Variants in FAAH observed in about 807,000 individuals in gnomAD.
FAAH encodes the protein fatty-acid amide hydrolase 1.
In FAAH, 63 loss-of-function variants were observed where a neutral mutation model predicts 69.7. That is an observed-to-expected ratio of 0.90 (90% confidence interval 0.74 to 1.12). The LOEUF is 1.12. Among genes scored for constraint, FAAH ranks in the 50% most tolerant of loss-of-function variants. The pLI, the probability that FAAH is intolerant of heterozygous loss-of-function variation, is 0.00. For missense variants in FAAH, 680 were observed against 755.0 expected (o/e 0.90, Z 1.16); for synonymous variants, 305 against 324.2 (o/e 0.94, Z 0.64).
At chr1:46,409,602 C>T (rs1664863455) in intron 9 of FAAH, among the ~76,000 whole-genome samples, 1 of 152,122 alleles carries the variant, frequency 6.6e-6, no homozygotes, top group Non-Finnish European at 1.5e-5. Context: ...CCTCAGCTTT[C>T]TCTCCTGTAA....
At chr1:46,412,926 TG>T in intron 13 of FAAH, 148 bp from the exon 14 acceptor site, 3 of 960,570 alleles carry the variant, frequency 3.1e-6, no homozygotes, top group Non-Finnish European at 4.8e-6. Flanking sequence ...TCTGAATTCC[TG>T]GGCTTTGTCA....
chr1:46,409,047 G>C (rs1664851727), intron 8 of FAAH, 54 bp from the exon 9 acceptor site: 1 of 1,454,148 alleles, frequency 6.9e-7, no homozygotes, highest in Admixed American at 1.7e-5. Flanking sequence ...ACAGCATGGG[G>C]ATCATGAAGC....
At chr1:46,395,308 A>C (rs1245704193) in intron 1 of FAAH, among the ~76,000 whole-genome samples, 2 of 152,184 alleles carry the variant, frequency 1.3e-5, no homozygotes, top group Non-Finnish European at 2.9e-5. Flanking sequence ...GCACAGGGAG[A>C]TCTTGGCAAA....
In FAAH at chr1:46,405,177, A is replaced by G; in HGVS notation, c.444+29A>G. 1 of 1,613,482 alleles carries G rather than the reference A, an allele frequency of 6.2e-7. No homozygotes were observed. Among genetic ancestry groups the G allele is most frequent in the Non-Finnish European group, 8.5e-7 (1 of 1,180,040 alleles). On this transcript the variant is annotated intron_variant, in intron 3 of 14. Coordinates refer to ENST00000243167, the MANE Select transcript of FAAH (RefSeq NM_001441.3). The surrounding 1 kb of genome is among the most constrained non-coding windows in gnomAD (Gnocchi z 4.1). ...TGCTCTGCCTCAGCGCCAGGCCTCC[A>G]TCGTCCCCTCCATCCCTGCCAGCCT...
Position 46,413,665 on chromosome 1 carries a change from G to C in FAAH, c.*90G>C. The C allele has an allele frequency of 6.3e-7, 1 of 1,586,304 alleles. No individual in the cohort carries two copies. On this transcript the variant is annotated 3_prime_UTR_variant, in exon 15 of 15. Coordinates refer to ENST00000243167, the MANE Select transcript of FAAH (RefSeq NM_001441.3). Reference sequence around the variant, plus strand: ...TGCCCTGCTGCCACAGCAAGGAAATGTCCTGCATGGGGCAGAGGCTTCCGT... The same window carrying C: ...TGCCCTGCTGCCACAGCAAGGAAATCTCCTGCATGGGGCAGAGGCTTCCGT...
Position 46,410,671 on chromosome 1 carries a change from C to A in FAAH, c.1276-143C>A. Reference sequence around the variant, plus strand: ...CTCCTCTGTCCCCTGCGATCTTCAGCCAACCCGCATGCTGAAAGGGGTGCC... The same window carrying A: ...CTCCTCTGTCCCCTGCGATCTTCAGACAACCCGCATGCTGAAAGGGGTGCC... On this transcript the variant is annotated intron_variant, in intron 10 of 14. Transcript: ENST00000243167. This position sits in a 1 kb window ranked among gnomAD's most constrained non-coding sequence, Gnocchi z 4.9. 3.4e-6 allele frequency: 4 copies of A among 1,171,444 alleles called. No homozygotes were observed. The highest frequency in any genetic ancestry group is 2.4e-5 in the South Asian group (2 of 81,694). 72.6% of individuals were successfully genotyped at this position (1,171,444 alleles called of 1,614,324 possible).
chr1:46,408,965 G>A lies in FAAH; in HGVS notation c.1078-136G>A. Reference sequence around the variant, plus strand: ...CAGTGAGTTTTCATGGGTCAGTAAGGCTGCCTTTGTAGCTCTAGTGAGAGC... The same window carrying A: ...CAGTGAGTTTTCATGGGTCAGTAAGACTGCCTTTGTAGCTCTAGTGAGAGC... On this transcript the variant is annotated intron_variant, in intron 8 of 14. Transcript: ENST00000243167. 2 of 755,400 alleles carry A rather than the reference G, an allele frequency of 2.6e-6. 1 individual carries two copies. Among genetic ancestry groups the A allele is most frequent in the South Asian group, 2.9e-5 (2 of 68,364 alleles). 46.8% of individuals were successfully genotyped at this position (755,400 alleles called of 1,614,324 possible).
intron 1 of FAAH, among the ~76,000 whole-genome samples, chr1:46,394,990 A>G (rs566852645): frequency 2.0e-5 from 3 of 152,224 alleles, no homozygotes; most frequent in East Asian, 3.9e-4. Context: ...CCCAGGCAAG[A>G]GTGCAGTGGT....
At chr1:46,399,048 T>A (rs1664651316) in intron 1 of FAAH, among the ~76,000 whole-genome samples, 1 of 152,196 alleles carries the variant, frequency 6.6e-6, no homozygotes, top group Non-Finnish European at 1.5e-5. Flanking sequence ...AGGACCACCA[T>A]CAATAGAATA....
Position 46,394,335 on chromosome 1 carries a change from A to T in FAAH, c.-14A>T, listed in dbSNP as rs750510072. 2.6e-6 allele frequency: 4 copies of T among 1,556,234 alleles called. No homozygotes were observed. Among genetic ancestry groups the T allele is most frequent in the South Asian group, 1.2e-5 (1 of 84,438 alleles). ...TTCAACTGTCGCGGTAGGCAGCAGC[A>T]GGCTGAAGGGATCATGGTGCAGTAC... On this transcript the variant is annotated 5_prime_UTR_variant, in exon 1 of 15. Transcript: ENST00000243167.
chr1:46,411,500 T>A lies in FAAH; in HGVS notation c.1317-112T>A. 1 of 1,144,950 alleles carries A rather than the reference T, an allele frequency of 8.7e-7. No individual in the cohort carries two copies. The highest frequency in any genetic ancestry group is 1.3e-6 in the Non-Finnish European group (1 of 772,302). The allele number at this position is 1,144,950 out of a possible 1,614,324, so 70.9% of individuals were successfully genotyped here. A position where few individuals can be genotyped will look rare whatever the true frequency, so the allele number is the denominator to read the frequency against. ...TTCCCTCTCAGAGCTCCCATGGGGT[T>A]GTGAAGGGTCCACGGAGGGGTGAGA... On this transcript the variant is annotated intron_variant, in intron 11 of 14. Transcript: ENST00000243167. This position sits in a 1 kb window ranked among gnomAD's most constrained non-coding sequence, Gnocchi z 4.8.
chr1:46,410,790 C>G lies in FAAH; in HGVS notation c.1276-24C>G. ...CTGCCGTGGCCCAGAGCTGAGTCAC[C>G]GACCCTGCGTCTGTCCTGTGCAGCT... is the stretch of plus-strand genomic sequence containing the variant. On this transcript the variant is annotated intron_variant, in intron 10 of 14. Coordinates refer to ENST00000243167, the MANE Select transcript of FAAH (RefSeq NM_001441.3). This position sits in a 1 kb window ranked among gnomAD's most constrained non-coding sequence, Gnocchi z 4.9. 6.2e-7 allele frequency: 1 copy of G among 1,614,122 alleles called. No individual in the cohort carries two copies. Among genetic ancestry groups the G allele is most frequent in the South Asian group, 1.1e-5 (1 of 91,076 alleles).
chr1:46,396,030 C>T (rs189159991), intron 1 of FAAH, among the ~76,000 whole-genome samples: 80 of 151,912 alleles, frequency 5.3e-4, no homozygotes, highest in African/African-American at 1.8e-3. Context: ...CTCTGAGTTC[C>T]GTCAGTATTT....
At position 46,406,091 on chromosome 1, in the gene FAAH, G is replaced by A. The variant is rs1304088779; in HGVS notation, c.826+13G>A. On this transcript the variant is annotated intron_variant, in intron 6 of 14. Coordinates refer to ENST00000243167, the MANE Select transcript of FAAH (RefSeq NM_001441.3). Reference sequence around the variant, plus strand: ...GGACAGGAGGCAGGTGAGGTCCGTGGTGCTCTCAGTGCCCCGAGGAGGGTG... The same window carrying A: ...GGACAGGAGGCAGGTGAGGTCCGTGATGCTCTCAGTGCCCCGAGGAGGGTG... 6.2e-7 allele frequency: 1 copy of A among 1,614,190 alleles called. No individual in the cohort carries two copies. Among genetic ancestry groups the A allele is most frequent in the Non-Finnish European group, 8.5e-7 (1 of 1,180,034 alleles).
At position 46,405,553 on chromosome 1, in the gene FAAH, C is replaced by A. The variant is rs904507802; in HGVS notation, c.579-35C>A. ...GGCGGGGCAGGGGCACCGGTCCCAG[C>A]ATGGCACGGGCTGACCCATTCTTGG... On this transcript the variant is annotated intron_variant, in intron 4 of 14. Coordinates refer to ENST00000243167, the MANE Select transcript of FAAH (RefSeq NM_001441.3). The surrounding 1 kb of genome is among the most constrained non-coding windows in gnomAD (Gnocchi z 4.1). 3 of 1,612,964 alleles carry A rather than the reference C, an allele frequency of 1.9e-6. No individual in the cohort carries two copies. The African/African-American group carries it at 4.0e-5, about 22-fold the overall frequency.
intron 7 of FAAH, among the ~76,000 whole-genome samples, chr1:46,407,393 A>C (rs972060123): frequency 2.6e-5 from 4 of 152,070 alleles, no homozygotes; most frequent in African/African-American, 9.7e-5. Context: ...CAGGGTGTGG[A>C]TTTTGAGGCG....
Position 46,413,586 on chromosome 1 carries a change from T to C in FAAH, c.*11T>C. 1 of 1,613,974 alleles carries C rather than the reference T, an allele frequency of 6.2e-7. No homozygotes were observed. Among genetic ancestry groups the C allele is most frequent in the Non-Finnish European group, 8.5e-7 (1 of 1,179,942 alleles). On this transcript the variant is annotated 3_prime_UTR_variant, in exon 15 of 15. Coordinates refer to ENST00000243167, the MANE Select transcript of FAAH (RefSeq NM_001441.3). ...AAGCAGTCATCCTGATGGCTCTGGC[T>C]CCAGAGGACCTGAGACTCACACTCT...
chr1:46,405,299 A>G lies in FAAH; in HGVS notation c.445-73A>G. On this transcript the variant is annotated intron_variant, in intron 3 of 14. Transcript: ENST00000243167. The surrounding 1 kb of genome is among the most constrained non-coding windows in gnomAD (Gnocchi z 4.1). ...GTATACCTGTTTTGGCCTGTGTGAC[A>G]GTTGTTGGAGTGGACCCTTGGCTGC... The G allele has an allele frequency of 1.9e-6, 3 of 1,605,886 alleles. No individual in the cohort carries two copies. Among genetic ancestry groups the G allele is most frequent in the Non-Finnish European group, 2.5e-6 (3 of 1,179,640 alleles).
chr1:46,394,546 G>A lies in FAAH; in HGVS notation c.195+3G>A. 1 of 1,350,846 alleles carries A rather than the reference G, an allele frequency of 7.4e-7. No homozygotes were observed. The highest frequency in any genetic ancestry group is 3.1e-5 in the East Asian group (1 of 32,508). 83.7% of individuals were successfully genotyped at this position (1,350,846 alleles called of 1,614,324 possible). On this transcript the variant is annotated splice_donor_region_variant and intron_variant, in intron 1 of 14. Coordinates refer to ENST00000243167, the MANE Select transcript of FAAH (RefSeq NM_001441.3). The stretch of plus-strand genomic sequence containing the variant: ...CGGCGCAGCGCTTCCGGCTCCAGGT[G>A]ACTGCCGGAGCGTAGTGGGATGGGC...
Sources: allele counts gnomAD v4.1 joint callset (sites outside exome capture counted in the v4.1 genomes callset), GRCh38; gene constraint gnomAD v4.1.1; non-coding constraint Gnocchi (gnomAD v3.1); transcripts MANE v1.5; gene names NCBI Gene and HGNC (gene_info 2026-07-23, HGNC 2026-07-21).